The following GREM2 variants were observed in gnomAD, a reference collection of about 807,000 sequenced individuals.
GREM2 encodes the protein gremlin-2.
In GREM2, 11 loss-of-function variants were observed where a neutral mutation model predicts 14.2. The ratio of observed to expected loss-of-function variants is 0.78; its 90% CI spans 0.49 to 1.28. GREM2 has a LOEUF of 1.28. GREM2 is among the 50% of genes most tolerant of loss of function. The pLI, the probability that GREM2 is intolerant of heterozygous loss-of-function variation, is 0.00. For synonymous variants in GREM2, 98 were observed against 97.6 expected (o/e 1.00, Z -0.02); for missense variants, 210 against 218.5 (o/e 0.96, Z 0.24).
chr1:240,491,562 T>C lies in GREM2; in HGVS notation c.*1407A>G, dbSNP rs1677247915. ...TTCATTATAAACACAAAAGGTGACC[T>C]AATGTTTGTTCGTCCCTTTTGAAGT... On this transcript the variant is annotated 3_prime_UTR_variant, in exon 2 of 2. Transcript: ENST00000318160. 6.6e-6 allele frequency: 1 copy of C among 152,582 alleles called. No individual in the cohort carries two copies. Among genetic ancestry groups the C allele is most frequent in the African/African-American group, 2.4e-5 (1 of 41,448 alleles). The allele number at this position is 152,582 out of a possible 1,614,324, so 9.5% of individuals were successfully genotyped here.
chr1:240,517,758 TA>T (rs1677983533), intron 1 of GREM2, among the ~76,000 whole-genome samples: 1 of 152,152 alleles, frequency 6.6e-6, no homozygotes, highest in African/African-American at 2.4e-5. Context: ...GGGATAAATA[TA>T]TGAGTCTGAT....
At chr1:240,509,517 C>T (rs1224501419) in intron 1 of GREM2, among the ~76,000 whole-genome samples, 1 of 152,058 alleles carries the variant, frequency 6.6e-6, no homozygotes, top group African/African-American at 2.4e-5. Context: ...TACAGGCATG[C>T]ACCAACAAGC....
intron 1 of GREM2, among the ~76,000 whole-genome samples, chr1:240,513,107 G>T (rs1457815169): frequency 6.6e-6 from 1 of 152,196 alleles, no homozygotes; most frequent in Non-Finnish European, 1.5e-5. Context: ...AGAGATGATG[G>T]TAGTAGAGAG....
rs1357636066 is a variant in GREM2 at position 240,491,957 on chromosome 1, C to A, written c.*1012G>T. On this transcript the variant is annotated 3_prime_UTR_variant, in exon 2 of 2. Transcript: ENST00000318160. ...TTCAAAGTAAAAATCACGACTCCTC[C>A]CATCTCCCTGCCCAATCTAAAAATA... 6.0e-6 allele frequency: 1 copy of A among 167,626 alleles called. No individual in the cohort carries two copies. Among genetic ancestry groups the A allele is most frequent in the African/African-American group, 2.4e-5 (1 of 42,126 alleles). The allele number at this position is 167,626 out of a possible 1,614,324, so 10.4% of individuals were successfully genotyped here. A position where few individuals can be genotyped will look rare whatever the true frequency, so the allele number is the denominator to read the frequency against.
chr1:240,590,859 C>G (rs913725970), intron 1 of GREM2: 6 of 151,784 alleles, frequency 4.0e-5, no homozygotes, highest in Admixed American at 3.9e-4. Flanking sequence ...GATCTCGGCT[C>G]ACTGCAAGCT....
chr1:240,504,356 A>G (rs1677635327), intron 1 of GREM2, among the ~76,000 whole-genome samples: 1 of 152,184 alleles, frequency 6.6e-6, no homozygotes, highest in Non-Finnish European at 1.5e-5. Flanking sequence ...TCAAATCAGC[A>G]TATGTCTAAC....
chr1:240,514,247 CAAAAA>C (rs34702912), intron 1 of GREM2, among the ~76,000 whole-genome samples: 7 of 80,274 alleles, frequency 8.7e-5, no homozygotes, highest in East Asian at 3.7e-4. Context: ...GATTCCATCT[CAAAAA>C]AAAAAAAAAA....
chr1:240,528,962 T>C (rs548346098), intron 1 of GREM2, among the ~76,000 whole-genome samples: 14 of 152,134 alleles, frequency 9.2e-5, no homozygotes, highest in African/African-American at 3.4e-4. Context: ...ACTTGATGAG[T>C]CCCTGTGTTC....
At chr1:240,563,146 T>A (rs199916511) in intron 1 of GREM2, among the ~76,000 whole-genome samples, 1 of 144,284 alleles carries the variant, frequency 6.9e-6, no homozygotes, top group Admixed American at 6.7e-5. Flanking sequence ...TGTGTGTGTG[T>A]GAGTGTGTAT....
At position 240,581,443 on chromosome 1, in the gene GREM2, C is replaced by A. The variant is rs576037780; in HGVS notation, c.-2+30441G>T. Reference sequence around the variant, plus strand: ...TTAGCAGGGCCTGATATGTGGTAAACGCTCATAGATTGTAGCTATTATTAA... The same window carrying A: ...TTAGCAGGGCCTGATATGTGGTAAAAGCTCATAGATTGTAGCTATTATTAA... On this transcript the variant is annotated intron_variant, in intron 1 of 1. Coordinates refer to ENST00000318160, the MANE Select transcript of GREM2 (RefSeq NM_022469.4). Among the ~76,000 whole-genome samples, 30 of 152,146 alleles carry A rather than the reference C, an allele frequency of 2.0e-4. 1 individual carries two copies.
rs150311394 is a variant in GREM2, at chr1:240,608,480, G to C, written c.-2+3404C>G. Reference sequence around the variant, plus strand: ...CGTGTTATAATTGCATAAAAGCAGAGAGAAGCAGCTAGTTTTCCATAGATG... The same window carrying C: ...CGTGTTATAATTGCATAAAAGCAGACAGAAGCAGCTAGTTTTCCATAGATG... On this transcript the variant is annotated intron_variant, in intron 1 of 1. Coordinates refer to ENST00000318160, the MANE Select transcript of GREM2 (RefSeq NM_022469.4). Among the ~76,000 whole-genome samples, 691 of 152,276 alleles carry C rather than the reference G, an allele frequency of 4.5e-3. 2 individuals carry two copies. The highest frequency in any genetic ancestry group is 0.016 in the African/African-American group (672 of 41,556).
chr1:240,576,107 T>G (rs1211563160), intron 1 of GREM2, among the ~76,000 whole-genome samples: 1 of 152,166 alleles, frequency 6.6e-6, no homozygotes, highest in Non-Finnish European at 1.5e-5. Flanking sequence ...CCACATACCT[T>G]GTAGAAAATG....
intron 1 of GREM2, among the ~76,000 whole-genome samples, chr1:240,504,139 T>TATCA (rs1336048900): frequency 6.6e-6 from 1 of 152,212 alleles, no homozygotes; most frequent in Non-Finnish European, 1.5e-5. Context: ...CCTATCTAGC[T>TATCA]ATCAAAATCA....
At chr1:240,526,758 C>G (rs770258516) in intron 1 of GREM2, among the ~76,000 whole-genome samples, 1 of 151,556 alleles carries the variant, frequency 6.6e-6, no homozygotes, top group African/African-American at 2.4e-5. Flanking sequence ...TTCCAAATTA[C>G]GAAAAAAAAA....
intron 1 of GREM2, among the ~76,000 whole-genome samples, chr1:240,583,364 T>C (rs974066023): frequency 1.3e-5 from 2 of 152,236 alleles, no homozygotes; most frequent in Admixed American, 1.3e-4. Flanking sequence ...AGATAGCTAA[T>C]GACAAATGGC....
chr1:240,589,028 T>C (rs1276156528), intron 1 of GREM2: 1 of 152,054 alleles, frequency 6.6e-6, no homozygotes, highest in Non-Finnish European at 1.5e-5. Flanking sequence ...GAGGCTGAGG[T>C]GAGAGGATTG....
intron 1 of GREM2, among the ~76,000 whole-genome samples, chr1:240,525,108 T>G (rs1678192858): frequency 6.6e-6 from 1 of 152,282 alleles, no homozygotes; most frequent in East Asian, 1.9e-4. Context: ...GGTACTCACT[T>G]CCTTTCTCTC....
At chr1:240,600,231 G>A (rs1437154192) in intron 1 of GREM2, among the ~76,000 whole-genome samples, 5 of 142,434 alleles carry the variant, frequency 3.5e-5, no homozygotes, top group Non-Finnish European at 4.7e-5. Flanking sequence ...ACGAGATTAC[G>A]TGTTTTCCTT....
chr1:240,607,397 T>C (rs1487641070), intron 1 of GREM2, among the ~76,000 whole-genome samples: 3 of 152,224 alleles, frequency 2.0e-5, no homozygotes, highest in African/African-American at 4.8e-5. Context: ...TTAGACCCTC[T>C]GACAGAAAGT....
Sources: allele counts gnomAD v4.1 joint callset (sites outside exome capture counted in the v4.1 genomes callset), GRCh38; gene constraint gnomAD v4.1.1; transcripts MANE v1.5; gene names NCBI Gene and HGNC (gene_info 2026-07-23, HGNC 2026-07-21).